Variants in ZMAT4 observed in about 807,000 individuals in gnomAD.
ZMAT4 encodes zinc finger matrin-type protein 4.
A neutral mutation model predicts 28.7 loss-of-function variants in ZMAT4; 17 were observed. That is an observed-to-expected ratio of 0.59 (90% CI 0.41 to 0.89). The LOEUF (loss-of-function observed/expected upper bound fraction) is 0.89, where lower values mean the gene tolerates loss of function less well. ZMAT4 is among the 40% of genes least tolerant of loss of function. The pLI, the probability that ZMAT4 is intolerant of heterozygous loss-of-function variation, is 0.00. For synonymous variants in ZMAT4, 117 were observed against 109.2 expected, an observed-to-expected ratio of 1.07 and a Z score of -0.44; for missense variants, 240 against 283.8, an observed-to-expected ratio of 0.85 and a Z score of 1.11.
At chr8:40,808,774 A>T (rs1815196642) in intron 2 of ZMAT4, among the ~76,000 whole-genome samples, 1 of 151,906 alleles carries the variant, frequency 6.6e-6, no homozygotes, top group Admixed American at 6.6e-5. Context: ...CTCCAATAAG[A>T]TGCCAACTAT....
rs1585871980 is a variant in ZMAT4 at position 40,682,887 on chromosome 8, T to A, written c.350-7956A>T. On this transcript the variant is annotated intron_variant, in intron 4 of 6. Transcript: ENST00000297737. ...TAAGTATGCCTGGTTTCTGCAGAAT[T>A]TTAATCTTTGAAAATAAGCCATTAA... 7.2e-5 allele frequency among the ~76,000 whole-genome samples: 11 copies of A among 152,314 alleles called. No individual in the cohort carries two copies. In the South Asian group the frequency reaches 2.3e-3, roughly 32 times the overall value.
chr8:40,661,443 C>T (rs1265231877), intron 5 of ZMAT4, among the ~76,000 whole-genome samples: 3 of 152,198 alleles, frequency 2.0e-5, no homozygotes, highest in South Asian at 2.1e-4. Flanking sequence ...TAAACAAATA[C>T]GTCAATAGGT....
intron 1 of ZMAT4, among the ~76,000 whole-genome samples, chr8:40,880,703 C>A (rs1206284417): frequency 6.6e-6 from 1 of 152,114 alleles, no homozygotes. Flanking sequence ...AACTTCAGAG[C>A]CGGGACTCCA....
chr8:40,820,250 ATG>A (rs977736663), intron 2 of ZMAT4, among the ~76,000 whole-genome samples: 3 of 143,272 alleles, frequency 2.1e-5, no homozygotes, highest in African/African-American at 7.7e-5. Context: ...GTGCGCATAT[ATG>A]TGAGTATTGG....
chr8:40,849,679 C>T (rs937444945), intron 1 of ZMAT4, among the ~76,000 whole-genome samples: 6 of 152,156 alleles, frequency 3.9e-5, no homozygotes, highest in African/African-American at 1.4e-4. Flanking sequence ...TCCACAGCAC[C>T]AAGACGGGAG....
chr8:40,713,686 A>G (rs1810722404), intron 3 of ZMAT4, among the ~76,000 whole-genome samples: 1 of 152,122 alleles, frequency 6.6e-6, no homozygotes, highest in African/African-American at 2.4e-5. Context: ...AGGCAGGTAG[A>G]TCACTTGCAG....
At chr8:40,681,405 T>C (rs561800324) in intron 4 of ZMAT4, among the ~76,000 whole-genome samples, 1 of 152,362 alleles carries the variant, frequency 6.6e-6, no homozygotes, top group African/African-American at 2.4e-5. Context: ...TAAATCAAAT[T>C]AATGATAGCA....
chr8:40,816,492 A>C (rs2150601309), intron 2 of ZMAT4, among the ~76,000 whole-genome samples: 1 of 152,306 alleles, frequency 6.6e-6, no homozygotes, highest in Middle Eastern at 3.4e-3. Flanking sequence ...AACAAACAAA[A>C]AAACCCTAAA....
At position 40,857,745 on chromosome 8, in the gene ZMAT4, A is replaced by C. The variant is rs1338575075; in HGVS notation, c.-4-32065T>G. Among the ~76,000 whole-genome samples, 4 of 152,210 alleles carry C rather than the reference A, an allele frequency of 2.6e-5. No individual in the cohort carries two copies. The East Asian group carries it at 7.7e-4, about 29-fold the overall frequency. ...ATAAGAATATACATTGAAACTTTGC[A>C]AAAAAACTGGAAATATCCCATATGC... On this transcript the variant is annotated intron_variant, in intron 1 of 6. Transcript: ENST00000297737.
intron 5 of ZMAT4, among the ~76,000 whole-genome samples, chr8:40,588,251 TATTGACTCTTACAA>T (rs2118568442): frequency 6.6e-6 from 1 of 152,080 alleles, no homozygotes; most frequent in South Asian, 2.1e-4. Flanking sequence ...AAACAAAAAG[TATTGACTCTTACAA>T]AGTGACAAAT....
chr8:40,824,667 GGAAA>G (rs35813852), intron 2 of ZMAT4, among the ~76,000 whole-genome samples: 21,935 of 138,214 alleles, frequency 0.16, 1,668 homozygotes, highest in Non-Finnish European at 0.17. Flanking sequence ...GGGAAGGAAA[GGAAA>G]GAAAGAAAGC....
At chr8:40,545,530 G>A (rs1261381178) in intron 6 of ZMAT4, among the ~76,000 whole-genome samples, 1 of 152,176 alleles carries the variant, frequency 6.6e-6, no homozygotes, top group Non-Finnish European at 1.5e-5. Context: ...AATGGTACTA[G>A]AGTAGGGTGA....
intron 1 of ZMAT4, among the ~76,000 whole-genome samples, chr8:40,842,936 T>G (rs779496152): frequency 3.7e-4 from 57 of 152,268 alleles, no homozygotes; most frequent in Non-Finnish European, 7.9e-4. Context: ...CCACCATGCC[T>G]GGCTAATTTT....
chr8:40,830,341 C>T lies in ZMAT4; in HGVS notation c.-4-4661G>A, dbSNP rs558125092. Among the ~76,000 whole-genome samples, 145 of 152,260 alleles carry T rather than the reference C, an allele frequency of 9.5e-4. 3 individuals carry two copies. The highest frequency in any genetic ancestry group is 4.8e-3 in the South Asian group (23 of 4,818). On this transcript the variant is annotated intron_variant, in intron 1 of 6. Coordinates refer to ENST00000297737, the MANE Select transcript of ZMAT4 (RefSeq NM_024645.3). ...CCTCACCCCCTCTTCCACTCTTTCC[C>T]GCTTTTGGAGCCCCCAGTGTCCTTC...
chr8:40,623,789 C>T lies in ZMAT4; in HGVS notation c.578-42528G>A, dbSNP rs775582951. Reference sequence around the variant, plus strand: ...ATAAGCCTAAGATGAAATAAAGGATCCCTTCCTTCTCCACAGAAATAGCAG... The same window carrying T: ...ATAAGCCTAAGATGAAATAAAGGATTCCTTCCTTCTCCACAGAAATAGCAG... On this transcript the variant is annotated intron_variant, in intron 5 of 6. Coordinates refer to ENST00000297737, the MANE Select transcript of ZMAT4 (RefSeq NM_024645.3). Among the ~76,000 whole-genome samples the T allele has an allele frequency of 1.2e-4, 18 of 152,298 alleles. No homozygotes were observed. In the Middle Eastern group the frequency reaches 0.014, roughly 115 times the overall value.
chr8:40,785,770 C>T (rs977441979), intron 2 of ZMAT4, among the ~76,000 whole-genome samples: 2 of 152,286 alleles, frequency 1.3e-5, no homozygotes, highest in Admixed American at 1.3e-4. Context: ...ATAAAGTCTT[C>T]ATCCTAACGT....
chr8:40,870,817 G>A (rs1034383192), intron 1 of ZMAT4, among the ~76,000 whole-genome samples: 7 of 152,118 alleles, frequency 4.6e-5, no homozygotes, highest in African/African-American at 1.4e-4. Flanking sequence ...GGCAGAAATG[G>A]GTCTGCATTG....
At chr8:40,774,975 T>C (rs1267725764) in intron 2 of ZMAT4, among the ~76,000 whole-genome samples, 1 of 152,174 alleles carries the variant, frequency 6.6e-6, no homozygotes, top group Non-Finnish European at 1.5e-5. Flanking sequence ...AGTCCTACCT[T>C]AAGATGAGGA....
At chr8:40,642,614 C>A (rs553475077) in intron 5 of ZMAT4, among the ~76,000 whole-genome samples, 6 of 152,314 alleles carry the variant, frequency 3.9e-5, no homozygotes, top group African/African-American at 1.4e-4. Flanking sequence ...TAAGAACAAC[C>A]TGGCAAAGTT....
Sources: allele counts gnomAD v4.1 joint callset (sites outside exome capture counted in the v4.1 genomes callset), GRCh38; gene constraint gnomAD v4.1.1; transcripts MANE v1.5; gene names NCBI Gene and HGNC (gene_info 2026-07-23, HGNC 2026-07-21).